The following IQSEC1 variants were observed in gnomAD, a reference collection of about 807,000 sequenced individuals.
IQSEC1 encodes IQ motif and Sec7 domain ArfGEF 1.
A neutral mutation model predicts 91.0 loss-of-function variants in IQSEC1; 31 were observed. The ratio of observed to expected loss-of-function variants is 0.34; its 90% CI spans 0.26 to 0.46. IQSEC1 has a LOEUF of 0.46. Among genes scored for constraint, IQSEC1 ranks in the 20% least tolerant of loss-of-function variants. IQSEC1 has a pLI of 1.00. For synonymous variants in IQSEC1, 699 were observed against 662.6 expected (o/e 1.05, Z -0.84); for missense variants, 1,388 against 1,575.6 (o/e 0.88, Z 2.02).
intron 2 of IQSEC1, among the ~76,000 whole-genome samples, chr3:13,136,090 C>T (rs1706705664): frequency 6.6e-6 from 1 of 152,236 alleles, no homozygotes; most frequent in Admixed American, 6.5e-5. Context: ...GGGACATGCA[C>T]TCCAGTGAGT....
intron 1 of IQSEC1, among the ~76,000 whole-genome samples, chr3:13,241,751 C>T (rs889967560): frequency 6.6e-6 from 1 of 152,268 alleles, no homozygotes; most frequent in African/African-American, 2.4e-5. Flanking sequence ...CAGCTGGGCT[C>T]ATCCCAGAGG....
Position 13,150,158 on chromosome 3 carries a change from C to A in IQSEC1, c.302+13946G>T, listed in dbSNP as rs148669544. ...AAAAATGAGGAACAAATGGACTATG[C>A]ACTTTTTCCCAACAGGGTCAAGAAG... On this transcript the variant is annotated intron_variant, in intron 2 of 15. Transcript: ENST00000648114. Among the ~76,000 whole-genome samples the A allele has an allele frequency of 1.5e-3, 227 of 152,312 alleles. 3 individuals carry two copies. Among genetic ancestry groups the A allele is most frequent in the Admixed American group, 4.3e-3 (66 of 15,298 alleles).
At chr3:13,039,123 G>T (rs1330819474) in intron 1 of IQSEC1, among the ~76,000 whole-genome samples, 2 of 152,222 alleles carry the variant, frequency 1.3e-5, no homozygotes, top group Admixed American at 1.3e-4. Flanking sequence ...GTACCCTGAG[G>T]TCGGCTGGGC....
intron 1 of IQSEC1, among the ~76,000 whole-genome samples, chr3:12,995,668 C>G (rs1702199515): frequency 6.6e-6 from 1 of 152,208 alleles, no homozygotes; most frequent in East Asian, 1.9e-4. Flanking sequence ...TCTAAGTTGT[C>G]CCTAGAATAC....
chr3:13,093,109 G>A (rs1012369035), intron 2 of IQSEC1, among the ~76,000 whole-genome samples: 2 of 152,056 alleles, frequency 1.3e-5, no homozygotes, highest in African/African-American at 2.4e-5. Flanking sequence ...ACATCTCGGT[G>A]GCTCCACACA....
At chr3:13,122,592 T>A (rs1706443982) in intron 2 of IQSEC1, among the ~76,000 whole-genome samples, 1 of 152,154 alleles carries the variant, frequency 6.6e-6, no homozygotes, top group South Asian at 2.1e-4. Flanking sequence ...AGGGGCAGTG[T>A]GTGGCTCACA....
chr3:13,186,671 A>G (rs373233851), intron 1 of IQSEC1, among the ~76,000 whole-genome samples: 96 of 152,210 alleles, frequency 6.3e-4, no homozygotes, highest in African/African-American at 2.1e-3. Flanking sequence ...GTTCAGGGTG[A>G]GTCCTTGGGT....
Position 13,059,066 on chromosome 3 carries a change from C to T in IQSEC1, c.23+13926G>A, listed in dbSNP as rs551092657. Among the ~76,000 whole-genome samples, 5 of 152,174 alleles carry T rather than the reference C, an allele frequency of 3.3e-5. No homozygotes were observed. In the South Asian group the frequency reaches 1.0e-3, roughly 32 times the overall value. On this transcript the variant is annotated intron_variant, in intron 1 of 13. Coordinates refer to ENST00000613206, the MANE Select transcript of IQSEC1 (RefSeq NM_001134382.3). ...CCTCTCCTGCGGTAGCCATCTCTTC[C>T]TGGGCTCCCTCCACCCTTTGGTGAC...
At chr3:13,064,084 G>A (rs1410605879) in intron 1 of IQSEC1, among the ~76,000 whole-genome samples, 1 of 151,464 alleles carries the variant, frequency 6.6e-6, no homozygotes, top group Non-Finnish European at 1.5e-5. Flanking sequence ...AAAACTATAG[G>A]ATCCATCACT....
chr3:13,264,149 C>T (rs1406929798), intron 1 of IQSEC1, among the ~76,000 whole-genome samples: 1 of 152,220 alleles, frequency 6.6e-6, no homozygotes, highest in Non-Finnish European at 1.5e-5. Context: ...TGGAAAGTCC[C>T]CTTCCCTGGA....
chr3:13,004,626 C>T lies in IQSEC1; in HGVS notation c.24-62761G>A, dbSNP rs147175516. 7.3e-3 allele frequency among the ~76,000 whole-genome samples: 1,119 copies of T among 152,294 alleles called. 21 individuals carry two copies. The highest frequency in any genetic ancestry group is 0.024 in the African/African-American group (1,003 of 41,552). ...TGGGGCCCACAGGCTTCGAAAGGCC[C>T]AGAGCAGGGACAGGGCATCTATGCA... is the stretch of plus-strand genomic sequence containing the variant. On this transcript the variant is annotated intron_variant, in intron 1 of 13. Coordinates refer to ENST00000613206, the MANE Select transcript of IQSEC1 (RefSeq NM_001134382.3).
At position 12,935,389 on chromosome 3, in the gene IQSEC1, C is replaced by T; in HGVS notation, c.1568+59G>A. 1 of 1,529,336 alleles carries T rather than the reference C, an allele frequency of 6.5e-7. No individual in the cohort carries two copies. The highest frequency in any genetic ancestry group is 1.2e-5 in the South Asian group (1 of 82,680). 94.7% of individuals were successfully genotyped at this position (1,529,336 alleles called of 1,614,324 possible). A position where few individuals can be genotyped will look rare whatever the true frequency, so the allele number is the denominator to read the frequency against. On this transcript the variant is annotated intron_variant, in intron 3 of 13. Coordinates refer to ENST00000613206, the MANE Select transcript of IQSEC1 (RefSeq NM_001134382.3). The surrounding 1 kb of genome is among the most constrained non-coding windows in gnomAD (Gnocchi z 8.0). ...GCTTGGAAGGATGCAGCCACGCCCA[C>T]CCGCCAAGGCCCAGCAAGCCACAGC...
At chr3:13,157,974 G>A (rs1001074416) in intron 2 of IQSEC1, among the ~76,000 whole-genome samples, 2 of 152,216 alleles carry the variant, frequency 1.3e-5, no homozygotes, top group South Asian at 2.1e-4. Context: ...CACAGTAGGT[G>A]CTCAATGAAG....
intron 2 of IQSEC1, among the ~76,000 whole-genome samples, chr3:13,152,808 T>C (rs1707021875): frequency 6.6e-6 from 1 of 152,164 alleles, no homozygotes; most frequent in South Asian, 2.1e-4. Flanking sequence ...AGGCAGAGGT[T>C]GCAGTGAGCC....
upstream of IQSEC1, among the ~76,000 whole-genome samples, chr3:13,074,401 C>T (rs540647748): frequency 3.7e-4 from 57 of 152,278 alleles, no homozygotes; most frequent in African/African-American, 1.2e-3. Flanking sequence ...TCCTCGGCTC[C>T]CACACCCGCC....
At chr3:13,194,121 G>A (rs775196007) in intron 1 of IQSEC1, among the ~76,000 whole-genome samples, 4 of 152,060 alleles carry the variant, frequency 2.6e-5, no homozygotes, top group East Asian at 1.9e-4. Context: ...CCACCACCAC[G>A]AGCTCATTTC....
Position 12,899,230 on chromosome 3 carries a change from A to G in IQSEC1, c.*1753T>C. 4.0e-6 allele frequency: 3 copies of G among 753,256 alleles called. No homozygotes were observed. The highest frequency in any genetic ancestry group is 6.5e-6 in the Non-Finnish European group (3 of 463,796). 46.7% of individuals were successfully genotyped at this position (753,256 alleles called of 1,614,324 possible). The stretch of plus-strand genomic sequence containing the variant: ...CAGCCAGCCAAGGTGACACACAGCC[A>G]GAGGGGGCTCCCCTCTCCTCCTGCC... On this transcript the variant is annotated 3_prime_UTR_variant, in exon 14 of 14. Coordinates refer to ENST00000613206, the MANE Select transcript of IQSEC1 (RefSeq NM_001134382.3).
At chr3:13,106,944 T>C (rs971440055) in intron 2 of IQSEC1, among the ~76,000 whole-genome samples, 2 of 152,230 alleles carry the variant, frequency 1.3e-5, no homozygotes, top group Non-Finnish European at 2.9e-5. Context: ...GTTAACCAAC[T>C]GTGCAGATTT....
At chr3:13,104,947 A>G (rs778375354) in intron 2 of IQSEC1, among the ~76,000 whole-genome samples, 4 of 152,228 alleles carry the variant, frequency 2.6e-5, no homozygotes, top group Non-Finnish European at 5.9e-5. Flanking sequence ...TGGAGAGAAG[A>G]CGAAGCCCAG....
Sources: gnomAD v4.1 joint callset for allele counts (sites outside exome capture counted in the v4.1 genomes callset) on GRCh38, gnomAD v4.1.1 for gene constraint, Gnocchi (gnomAD v3.1) non-coding constraint, MANE v1.5 for transcripts, NCBI Gene and HGNC (gene_info 2026-07-23, HGNC 2026-07-21) for gene names.